The following SLC20A1 variants were observed in gnomAD, a reference collection of about 807,000 sequenced individuals.
SLC20A1 encodes the protein solute carrier family 20 member 1, also known as sodium-dependent phosphate transporter 1.
Under a neutral mutation model 62.7 loss-of-function variants are expected in SLC20A1, and 28 were observed. The observed-to-expected ratio is 0.45, with a 90% CI of 0.33 to 0.61. SLC20A1 has a LOEUF of 0.61. Among genes scored for constraint, SLC20A1 ranks in the 20% least tolerant of loss-of-function variants. SLC20A1 has a pLI of 0.02. For missense variants in SLC20A1, 673 were observed against 838.6 expected (o/e 0.80, Z 2.44); for synonymous variants, 305 against 302.9 (o/e 1.01, Z -0.07).
chr2:112,659,573 A>G lies in SLC20A1; in HGVS notation c.1418A>G (p.Asp473Gly). Residue 473 changes from aspartate (D) to glycine (G), a missense_variant, in exon 8 of 11, where the codon GAC becomes GGC. Coordinates refer to ENST00000272542, the MANE Select transcript of SLC20A1 (RefSeq NM_005415.5). Reference protein sequence around the residue: ...SYTSYCNAVSDLHSASEIDMS... With the variant: ...SYTSYCNAVSGLHSASEIDMS... ...ACCAGTTACTGCAATGCTGTGTCTG[A>G]CCTTCACTCAGCATCTGAGATAGAC... 1 of 1,614,236 alleles carries G rather than the reference A, an allele frequency of 6.2e-7. No homozygotes were observed. Among genetic ancestry groups the G allele is most frequent in the Non-Finnish European group, 8.5e-7 (1 of 1,180,036 alleles).
intron 4 of SLC20A1, among the ~76,000 whole-genome samples, chr2:112,648,635 G>A (rs1419321534): frequency 6.6e-6 from 1 of 152,234 alleles, no homozygotes; most frequent in Non-Finnish European, 1.5e-5. Context: ...CTTCTCTGTA[G>A]AAATTCTATG....
chr2:112,648,104 T>TC (rs1686335530), intron 4 of SLC20A1, among the ~76,000 whole-genome samples: 1 of 152,120 alleles, frequency 6.6e-6, no homozygotes, highest in South Asian at 2.1e-4. Context: ...CAAGACAGTG[T>TC]CCCCTGTGGC....
chr2:112,651,202 T>C (rs1686425413), intron 4 of SLC20A1, among the ~76,000 whole-genome samples: 1 of 152,242 alleles, frequency 6.6e-6, no homozygotes, highest in Non-Finnish European at 1.5e-5. Context: ...CACATGGGTC[T>C]GAGCTTTCCC....
At position 112,659,533 on chromosome 2, in the gene SLC20A1, C is replaced by T. The variant is rs1686692816; in HGVS notation, c.1378C>T (p.Arg460Ter). ...TAATGCAGACTCCAAGAAGCGAATT[C>T]GAATGGACAGTTACACCAGTTACTG... ...WPNADSKKRI[R>*]MDSYTSYCNA... Residue 460 changes from arginine to a stop codon, truncating the protein, a stop_gained, in exon 8 of 11, where the codon CGA becomes TGA. Transcript: ENST00000272542. LOFTEE classifies it high-confidence loss of function. The T allele has an allele frequency of 3.1e-6, 5 of 1,614,060 alleles. No homozygotes were observed. The highest frequency in any genetic ancestry group is 3.4e-6 in the Non-Finnish European group (4 of 1,180,040).
rs4848285 is a variant in SLC20A1 at position 112,662,553 on chromosome 2, C to T, written c.1879-311C>T. On this transcript the variant is annotated intron_variant, in intron 10 of 10. Transcript: ENST00000272542. ...CAAGATTGCGCCACTGTACTCCAGC[C>T]TGGGCGACAGTGCGAGACTCCGTCT... 5.1e-4 allele frequency among the ~76,000 whole-genome samples: 78 copies of T among 152,294 alleles called. No homozygotes were observed. The East Asian group carries it at 8.1e-3, about 16-fold the overall frequency.
rs201347526 is a variant in SLC20A1 at position 112,658,893 on chromosome 2, G to A, written c.847G>A (p.Glu283Lys). ...AAAGAATAGCTTGAAAGAAGACCAT[G>A]AAGAAACAAAGTTGTCTGTTGGTGA... ...EKKNSLKEDHEETKLSVGDIE... is the reference protein window; with the variant it reads ...EKKNSLKEDHKETKLSVGDIE... Residue 283 changes from glutamate to lysine, a missense_variant, in exon 7 of 11, where the codon GAA becomes AAA. Physicochemically the swap from Glu to Lys is moderately conservative, Grantham distance 56. Transcript: ENST00000272542. 1 of 1,614,158 alleles carries A rather than the reference G, an allele frequency of 6.2e-7. No homozygotes were observed. The highest frequency in any genetic ancestry group is 1.3e-5 in the African/African-American group (1 of 75,044).
chr2:112,655,495 C>G (rs1313825583), intron 5 of SLC20A1, among the ~76,000 whole-genome samples: 1 of 148,846 alleles, frequency 6.7e-6, no homozygotes, highest in African/African-American at 2.5e-5. Flanking sequence ...TAGATATCAA[C>G]TACAGATCAT....
At chr2:112,659,952 A>G (rs1040222827) in intron 8 of SLC20A1, among the ~76,000 whole-genome samples, 190 bp downstream of exon 8, 1 of 152,258 alleles carries the variant, frequency 6.6e-6, no homozygotes, top group Non-Finnish European at 1.5e-5. Flanking sequence ...ATTACAAAGA[A>G]TGTTTATTTT....
chr2:112,654,917 A>G (rs1686541271), intron 5 of SLC20A1, among the ~76,000 whole-genome samples: 2 of 147,980 alleles, frequency 1.4e-5, no homozygotes, highest in Non-Finnish European at 3.0e-5. Flanking sequence ...AAAAAAGTTC[A>G]AAAACAAAAA....
rs1474559369 is a variant in SLC20A1, at chr2:112,646,882, G to C, written c.54G>C (p.Leu18Phe). ...CTGCTACCGCCGCTTCTGGTCCTTT[G>C]GTGGACTACCTATGGATGCTCATCC... ...TTAATAASGP[L>F]VDYLWMLILG... The change falls in exon 2 of 11, where the codon TTG becomes TTC. Residue 18 changes from leucine to phenylalanine, a missense_variant. Transcript: ENST00000272542. 6.2e-7 allele frequency: 1 copy of C among 1,613,540 alleles called. No homozygotes were observed. Among genetic ancestry groups the C allele is most frequent in the Non-Finnish European group, 8.5e-7 (1 of 1,179,854 alleles).
chr2:112,657,991 G>A (rs908746934), intron 6 of SLC20A1, among the ~76,000 whole-genome samples: 2 of 152,102 alleles, frequency 1.3e-5, no homozygotes, highest in Admixed American at 1.3e-4. Context: ...TTATCGTTTC[G>A]AAGCTGAGGG....
rs1217196444 is a variant in SLC20A1 at position 112,663,680 on chromosome 2, A to G, written c.*655A>G. On this transcript the variant is annotated 3_prime_UTR_variant, in exon 11 of 11. Transcript: ENST00000272542. Reference sequence around the variant, plus strand: ...GTAAGAAAGAAAAAGCCTGTTGGCAATCTTGGTTATTTCTTTAAGATTTCT... The same window carrying G: ...GTAAGAAAGAAAAAGCCTGTTGGCAGTCTTGGTTATTTCTTTAAGATTTCT... 1 of 154,174 alleles carries G rather than the reference A, an allele frequency of 6.5e-6. No homozygotes were observed. The highest frequency in any genetic ancestry group is 2.4e-5 in the African/African-American group (1 of 41,444). The allele number at this position is 154,174 out of a possible 1,614,324, so 9.6% of individuals were successfully genotyped here.
Position 112,646,788 on chromosome 2 carries a change from C to T in SLC20A1, c.-41C>T. 6 of 1,394,988 alleles carry T rather than the reference C, an allele frequency of 4.3e-6. No homozygotes were observed. Among genetic ancestry groups the T allele is most frequent in the Non-Finnish European group, 6.0e-6 (6 of 1,000,806 alleles). 86.4% of individuals were successfully genotyped at this position (1,394,988 alleles called of 1,614,324 possible). On this transcript the variant is annotated 5_prime_UTR_variant, in exon 2 of 11. Transcript: ENST00000272542. The stretch of plus-strand genomic sequence containing the variant: ...TATTCTGTTTACACATCTTGAAAGG[C>T]GCTCAGTAGTTCTCTTACTAAACAA...
chr2:112,652,564 A>G (rs1686471786), intron 4 of SLC20A1, 138 bp from the exon 5 acceptor site: 1 of 658,476 alleles, frequency 1.5e-6, no homozygotes, highest in Non-Finnish European at 2.6e-6. Context: ...AATGCAGGAA[A>G]AACTCTGTTG....
chr2:112,663,073 T>C lies in SLC20A1; in HGVS notation c.*48T>C, dbSNP rs376659839. On this transcript the variant is annotated 3_prime_UTR_variant, in exon 11 of 11. Coordinates refer to ENST00000272542, the MANE Select transcript of SLC20A1 (RefSeq NM_005415.5). ...TGTCAATGTTTGGGACCATCTTAGG[T>C]ATTCCTGCTCCCCTGAAGAATGATT... 55 of 1,590,732 alleles carry C rather than the reference T, an allele frequency of 3.5e-5. No homozygotes were observed. In the African/African-American group the frequency reaches 6.7e-4, roughly 19 times the overall value.
In SLC20A1 at chr2:112,659,051, C is replaced by T. The variant is rs745756185; in HGVS notation, c.1005C>T (p.Ser335=). The T allele has an allele frequency of 8.7e-6, 14 of 1,613,942 alleles. No individual in the cohort carries two copies. The highest frequency in any genetic ancestry group is 4.5e-5 in the East Asian group (2 of 44,888). Residue 335 remains serine (S), a synonymous_variant, in exon 7 of 11, where the codon AGC becomes AGT. Coordinates refer to ENST00000272542, the MANE Select transcript of SLC20A1 (RefSeq NM_005415.5). ...CTCCAGAGAGAGAGAGGCTTCCCAG[C>T]GTGGACTTGAAAGAGGAAACCAGCA... The part of the protein sequence containing the change: ...EEAPERERLP[S]VDLKEETSID...
At chr2:112,648,417 G>A (rs1357983649) in intron 4 of SLC20A1, among the ~76,000 whole-genome samples, 2 of 152,262 alleles carry the variant, frequency 1.3e-5, no homozygotes, top group East Asian at 1.9e-4. Flanking sequence ...ATAGGACTGA[G>A]TTACAGTGAG....
intron 10 of SLC20A1, 50 bp from the exon 11 acceptor site, chr2:112,662,814 A>C: frequency 3.2e-6 from 5 of 1,585,430 alleles, no homozygotes; most frequent in African/African-American, 1.4e-5. Flanking sequence ...GTTTGCCAGA[A>C]TACCACTGGC....
intron 4 of SLC20A1, among the ~76,000 whole-genome samples, chr2:112,649,929 G>A (rs1236242290): frequency 1.3e-5 from 2 of 152,168 alleles, no homozygotes; most frequent in Non-Finnish European, 2.9e-5. Flanking sequence ...ATTATTTCCA[G>A]GTGAAGTTTT....
Sources: allele counts gnomAD v4.1 joint callset (sites outside exome capture counted in the v4.1 genomes callset), GRCh38; gene constraint gnomAD v4.1.1; transcripts MANE v1.5; gene names NCBI Gene and HGNC (gene_info 2026-07-23, HGNC 2026-07-21).